The following TEF variants were observed in gnomAD, a reference collection of about 807,000 sequenced individuals.
TEF encodes TEF transcription factor, PAR bZIP family member.
A neutral mutation model predicts 20.8 loss-of-function variants in TEF; 3 were observed. The ratio of observed to expected loss-of-function variants is 0.14; its 90% CI spans 0.07 to 0.37. The LOEUF is 0.37. TEF is among the 10% of genes least tolerant of loss of function. The pLI is 1.00. For missense variants in TEF, 296 were observed against 397.9 expected (o/e 0.74, Z 2.18); for synonymous variants, 180 against 171.1 (o/e 1.05, Z -0.41).
Position 41,394,324 on chromosome 22 carries a change from G to C in TEF, c.696+8G>C. The C allele has an allele frequency of 6.2e-7, 1 of 1,611,122 alleles. No homozygotes were observed. Among genetic ancestry groups the C allele is most frequent in the South Asian group, 1.1e-5 (1 of 90,930 alleles). On this transcript the variant is annotated splice_region_variant and intron_variant, in intron 3 of 3. Transcript: ENST00000266304. ...GTCCCCGACGAGCAGAAGGTAACCTGGTATTCCTTATAAATAAAGATGCAG... is the reference window on the plus strand; with the variant it reads ...GTCCCCGACGAGCAGAAGGTAACCTCGTATTCCTTATAAATAAAGATGCAG...
intron 1 of TEF, among the ~76,000 whole-genome samples, chr22:41,386,724 C>T (rs1036211193): frequency 4.0e-5 from 6 of 151,712 alleles, no homozygotes; most frequent in Non-Finnish European, 7.4e-5. Context: ...GCCGAAGCAA[C>T]AAAAGTGAAA....
intron 1 of TEF, among the ~76,000 whole-genome samples, chr22:41,383,475 T>A (rs1347016324): frequency 6.6e-6 from 1 of 152,162 alleles, no homozygotes; most frequent in Non-Finnish European, 1.5e-5. Context: ...ATTCGTAGAG[T>A]GCTCGCAAAG....
chr22:41,396,717 A>G lies in TEF; in HGVS notation c.*757A>G, dbSNP rs999150362. 5.2e-6 allele frequency: 2 copies of G among 385,898 alleles called. No individual in the cohort carries two copies. Among genetic ancestry groups the G allele is most frequent in the Admixed American group, 4.5e-5 (1 of 22,326 alleles). The allele number at this position is 385,898 out of a possible 1,614,324, so 23.9% of individuals were successfully genotyped here. A position where few individuals can be genotyped will look rare whatever the true frequency, so the allele number is the denominator to read the frequency against. On this transcript the variant is annotated 3_prime_UTR_variant, in exon 4 of 4. Coordinates refer to ENST00000266304, the MANE Select transcript of TEF (RefSeq NM_003216.4). ...CTGAGCCATGAGTGCCAGGGCTGAG[A>G]GAGGCCTCTTCATTTCCTCTCCAGG...
At chr22:41,384,497 T>C (rs2037072232) in intron 1 of TEF, among the ~76,000 whole-genome samples, 2 of 152,210 alleles carry the variant, frequency 1.3e-5, no homozygotes, top group Admixed American at 6.5e-5. Flanking sequence ...CTTTTCTGCT[T>C]ATTCAGGAAT....
At chr22:41,369,625 A>G (rs1225331588) in intron 1 of TEF, among the ~76,000 whole-genome samples, 5 of 152,226 alleles carry the variant, frequency 3.3e-5, no homozygotes, top group African/African-American at 1.2e-4. Flanking sequence ...TTATAAACAG[A>G]AACGTCTACC....
At chr22:41,387,293 T>A in intron 1 of TEF, 58 bp from the exon 2 acceptor site, 2 of 1,583,762 alleles carry the variant, frequency 1.3e-6, no homozygotes, top group South Asian at 2.3e-5. Flanking sequence ...CACTGCCCAC[T>A]TCCTGGGATT....
At chr22:41,388,100 C>G (rs2037121845) in intron 2 of TEF, among the ~76,000 whole-genome samples, 1 of 134,008 alleles carries the variant, frequency 7.5e-6, no homozygotes, top group Non-Finnish European at 1.5e-5. Context: ...TGGGTTCAAT[C>G]AATTCTCTGC....
intron 1 of TEF, among the ~76,000 whole-genome samples, chr22:41,376,754 C>T (rs559767525): frequency 6.6e-6 from 1 of 152,312 alleles, no homozygotes; most frequent in African/African-American, 2.4e-5. Flanking sequence ...TACCCACCCA[C>T]TCCACACTGC....
rs778414581 is a variant in TEF at position 41,387,542 on chromosome 22, C to G, written c.349C>G (p.Leu117Val). ...TGGCATCCCCGCCAGCCCCACCCAC[C>G]TGGCCCACAACCTGCTGCTGCCTGT... ...ENGIPASPTH[L>V]AHNLLLPVAE... The change falls in exon 2 of 4, where the codon CTG (leucine) becomes GTG (valine). Residue 117 changes from leucine to valine, a missense_variant. Physicochemically the swap from Leu to Val is conservative, Grantham distance 32. Around this residue, in one of 2 missense-constraint regions of TEF, gnomAD observed 194 missense variants for 317.8 expected, o/e 0.61. Coordinates refer to ENST00000266304, the MANE Select transcript of TEF (RefSeq NM_003216.4). 2 of 1,614,196 alleles carry G rather than the reference C, an allele frequency of 1.2e-6. No individual in the cohort carries two copies. The highest frequency in any genetic ancestry group is 1.7e-6 in the Non-Finnish European group (2 of 1,180,034).
In TEF at chr22:41,387,787, G is replaced by A. The variant is rs2037115892; in HGVS notation, c.475+119G>A. The A allele has an allele frequency of 4.8e-6, 5 of 1,052,088 alleles. No homozygotes were observed. The East Asian group carries it at 1.3e-4, about 27-fold the overall frequency. 65.2% of individuals were successfully genotyped at this position (1,052,088 alleles called of 1,614,324 possible). On this transcript the variant is annotated intron_variant, in intron 2 of 3. Transcript: ENST00000266304. ...CCTTCTCTGAGGGGAGGTCCTGGTG[G>A]GGCTGCAGTGTGGAGAAACTCTTCA...
intron 1 of TEF, among the ~76,000 whole-genome samples, chr22:41,371,972 C>G (rs761691092): frequency 6.8e-6 from 1 of 146,154 alleles, no homozygotes; most frequent in East Asian, 2.0e-4. Flanking sequence ...GCAGCCTGGG[C>G]TCTCCTGAGC....
chr22:41,393,773 C>CAAA (rs879096914), intron 2 of TEF, among the ~76,000 whole-genome samples: 2 of 60,290 alleles, frequency 3.3e-5, no homozygotes, highest in Non-Finnish European at 3.5e-5. Context: ...ACTCCCATCT[C>CAAA]AAAAAAAAAA....
intron 2 of TEF, among the ~76,000 whole-genome samples, chr22:41,392,670 CAAAA>C (rs920294546): frequency 6.6e-4 from 26 of 39,338 alleles, no homozygotes; most frequent in African/African-American, 2.3e-3. Flanking sequence ...TGAGACTCTT[CAAAA>C]AAAAAAAAAA....
Position 41,394,301 on chromosome 22 carries a change from C to A in TEF, c.681C>A (p.Val227=), listed in dbSNP as rs760359964. 5.0e-6 allele frequency: 8 copies of A among 1,613,730 alleles called. No homozygotes were observed. The South Asian group carries it at 5.5e-5, about 11-fold the overall frequency. Residue 227 remains valine, a synonymous_variant, in exon 3 of 4, where the codon GTC becomes GTA. Coordinates refer to ENST00000266304, the MANE Select transcript of TEF (RefSeq NM_003216.4). ...TCAAAAAGGCCAAGAAGGTCTTTGT[C>A]CCCGACGAGCAGAAGGTAACCTGGT... The part of the protein sequence containing the change: ...PMIKKAKKVF[V]PDEQKDEKYW...
rs1266721374 is a variant in TEF at position 41,395,659 on chromosome 22, T to G, written c.697-86T>G. On this transcript the variant is annotated intron_variant, in intron 3 of 3. Coordinates refer to ENST00000266304, the MANE Select transcript of TEF (RefSeq NM_003216.4). ...TTTAGCTCTGGCCACACCAGATGAGTTAGGGGAATCCAGGTGGTGGGAGTG... is the reference window on the plus strand; with the variant it reads ...TTTAGCTCTGGCCACACCAGATGAGGTAGGGGAATCCAGGTGGTGGGAGTG... The G allele has an allele frequency of 7.4e-6, 10 of 1,343,592 alleles. No individual in the cohort carries two copies. The Admixed American group carries it at 1.1e-4, about 15-fold the overall frequency. The allele number at this position is 1,343,592 out of a possible 1,614,324, so 83.2% of individuals were successfully genotyped here. A position where few individuals can be genotyped will look rare whatever the true frequency, so the allele number is the denominator to read the frequency against.
intron 2 of TEF, among the ~76,000 whole-genome samples, chr22:41,392,199 GTGGTTT>G (rs2037174759): frequency 6.6e-6 from 1 of 152,160 alleles, no homozygotes; most frequent in South Asian, 2.1e-4. Flanking sequence ...AATTCTAGAG[GTGGTTT>G]TAACCCAATC....
chr22:41,382,262 C>T, intron 1 of TEF, 61 bp downstream of exon 1: 1 of 384,846 alleles, frequency 2.6e-6, no homozygotes, highest in African/African-American at 3.1e-5. Flanking sequence ...GGCGGGGCCT[C>T]GTGAGGGCGG....
At chr22:41,382,223 G>C in intron 1 of TEF, 22 bp downstream of exon 1, 3 of 1,227,166 alleles carry the variant, frequency 2.4e-6, no homozygotes, top group Non-Finnish European at 3.0e-6. Context: ...GGGGTGGTCC[G>C]CGCGGGCTGG....
intron 1 of TEF, 63 bp downstream of exon 1, chr22:41,382,264 T>G (rs1189681550): frequency 5.0e-6 from 4 of 803,566 alleles, no homozygotes; most frequent in East Asian, 5.9e-5. Context: ...CGGGGCCTCG[T>G]GAGGGCGGGG....
Sources: gnomAD v4.1 joint callset for allele counts (sites outside exome capture counted in the v4.1 genomes callset) on GRCh38, gnomAD v4.1.1 for gene constraint, gnomAD v4.1.1 regional missense constraint, MANE v1.5 for transcripts, NCBI Gene and HGNC (gene_info 2026-07-23, HGNC 2026-07-21) for gene names.